DGKB: variants seen among roughly 807,000 people sequenced by gnomAD.
DGKB encodes 90 kDa diacylglycerol kinase.
A neutral mutation model predicts 114.3 loss-of-function variants in DGKB; 67 were observed. The observed-to-expected ratio is 0.59, with a 90% CI of 0.48 to 0.72. The LOEUF is 0.72. DGKB is among the 30% of genes least tolerant of loss of function. The pLI is 0.00. For synonymous variants in DGKB, 398 were observed against 323.1 expected, an observed-to-expected ratio of 1.23 and a Z score of -2.49; for missense variants, 907 against 975.2, an observed-to-expected ratio of 0.93 and a Z score of 0.93.
At chr7:14,583,766 C>T (rs975345326) in intron 17 of DGKB, among the ~76,000 whole-genome samples, 1 of 152,122 alleles carries the variant, frequency 6.6e-6, no homozygotes, top group Non-Finnish European at 1.5e-5. Context: ...CATAAATACC[C>T]ACTGCTTCTG....
At chr7:14,525,432 T>C (rs919107934) in intron 20 of DGKB, among the ~76,000 whole-genome samples, 39 of 152,186 alleles carry the variant, frequency 2.6e-4, no homozygotes, top group African/African-American at 9.4e-4. Flanking sequence ...GTTCTGGAAA[T>C]TATACTCTTT....
At chr7:14,178,211 G>A (rs1782074424) in intron 23 of DGKB, 60 bp from the exon 24 acceptor site, 4 of 1,554,504 alleles carry the variant, frequency 2.6e-6, no homozygotes, top group Admixed American at 1.8e-5. Flanking sequence ...ACAATTTAAT[G>A]CCATTTGATA....
chr7:14,344,904 A>G (rs1314244787), intron 22 of DGKB, among the ~76,000 whole-genome samples: 1 of 151,676 alleles, frequency 6.6e-6, no homozygotes, highest in Non-Finnish European at 1.5e-5. Flanking sequence ...TCATAAAAGT[A>G]AGTACAATTT....
chr7:14,706,376 A>C (rs1826232625), intron 6 of DGKB, among the ~76,000 whole-genome samples: 1 of 146,052 alleles, frequency 6.8e-6, no homozygotes, highest in Admixed American at 6.8e-5. Flanking sequence ...GGGAGACTTT[A>C]ACACCCCACT....
Position 14,319,775 on chromosome 7 carries a change from GT to G in DGKB, c.2122+18739del, listed in dbSNP as rs377673131. On this transcript the variant is annotated intron_variant, in intron 23 of 25. Transcript: ENST00000402815. The stretch of plus-strand genomic sequence containing the variant: ...TTATGCATCCAGTGGTCTATAGTAT[GT>G]CAGGACATGTTCTCCAAAATAAAAG... Among the ~76,000 whole-genome samples, 124 of 152,258 alleles carry G rather than the reference GT, an allele frequency of 8.1e-4. 1 individual carries two copies. In the East Asian group the frequency reaches 0.022, roughly 27 times the overall value.
chr7:14,470,047 A>AT (rs1261035408), intron 21 of DGKB, among the ~76,000 whole-genome samples: 5 of 151,874 alleles, frequency 3.3e-5, no homozygotes, highest in Admixed American at 2.0e-4. Flanking sequence ...AATTTCAAAA[A>AT]TTTCATTTAA....
Position 14,635,387 on chromosome 7 carries a change from A to G in DGKB, c.1135-5119T>C, listed in dbSNP as rs1019346527. Among the ~76,000 whole-genome samples, 3 of 151,422 alleles carry G rather than the reference A, an allele frequency of 2.0e-5. No homozygotes were observed. In the East Asian group the frequency reaches 5.9e-4, roughly 30 times the overall value. On this transcript the variant is annotated intron_variant, in intron 13 of 25. Coordinates refer to ENST00000402815, the MANE Select transcript of DGKB (RefSeq NM_001350709.2). ...GAAATTATGGAGGAGGGTAGAAAAC[A>G]TATCAAAGATAGAAAGCAATGGAGA...
intron 23 of DGKB, among the ~76,000 whole-genome samples, chr7:14,304,564 T>C (rs1271354592): frequency 6.6e-6 from 1 of 152,176 alleles, no homozygotes; most frequent in African/African-American, 2.4e-5. Flanking sequence ...CCCAAACAGA[T>C]TGTTTTCTTT....
At chr7:14,191,557 G>A (rs1479883038) in intron 23 of DGKB, 1 of 191,610 alleles carries the variant, frequency 5.2e-6, no homozygotes, top group African/African-American at 2.4e-5. Context: ...TACAGAATTG[G>A]TGATTTTGAT....
chr7:14,519,690 T>C (rs1362734873), intron 20 of DGKB, among the ~76,000 whole-genome samples: 1 of 151,990 alleles, frequency 6.6e-6, no homozygotes, highest in African/African-American at 2.4e-5. Context: ...AGGTTCCAGG[T>C]ATTGGACATA....
chr7:14,689,299 G>A (rs529938208), intron 9 of DGKB, among the ~76,000 whole-genome samples: 2 of 143,572 alleles, frequency 1.4e-5, no homozygotes, highest in Admixed American at 1.5e-4. Flanking sequence ...TCCGCCTCCC[G>A]GGTTCGTGCC....
At chr7:14,388,266 CA>C (rs34349170) in intron 21 of DGKB, among the ~76,000 whole-genome samples, 84,061 of 143,634 alleles carry the variant, frequency 0.59, 26,522 homozygotes, top group Middle Eastern at 0.73. Context: ...AATGTGAAGC[CA>C]AAAAAAAAAA....
intron 23 of DGKB, among the ~76,000 whole-genome samples, chr7:14,318,792 TACCC>T (rs1018073331): frequency 6.6e-6 from 1 of 152,144 alleles, no homozygotes; most frequent in Non-Finnish European, 1.5e-5. Context: ...ACTGGGTATA[TACCC>T]AAAGGACTAT....
intron 23 of DGKB, among the ~76,000 whole-genome samples, chr7:14,261,997 G>A (rs1299361556): frequency 6.6e-6 from 1 of 152,194 alleles, no homozygotes; most frequent in East Asian, 1.9e-4. Context: ...TATACGCACT[G>A]CAGAAGACTT....
At chr7:14,848,745 A>C (rs1054159916) in intron 1 of DGKB, among the ~76,000 whole-genome samples, 3 of 152,196 alleles carry the variant, frequency 2.0e-5, no homozygotes, top group Non-Finnish European at 2.9e-5. Flanking sequence ...CAATAACAAA[A>C]AGATGATGGA....
At chr7:14,624,051 A>T (rs1249668372) in intron 14 of DGKB, among the ~76,000 whole-genome samples, 1 of 152,200 alleles carries the variant, frequency 6.6e-6, no homozygotes, top group Non-Finnish European at 1.5e-5. Context: ...GAATGATGTA[A>T]AATAGTTGTG....
intron 13 of DGKB, among the ~76,000 whole-genome samples, chr7:14,641,182 T>C (rs990042192): frequency 2.0e-5 from 3 of 152,222 alleles, no homozygotes; most frequent in Admixed American, 6.5e-5. Flanking sequence ...CCAAAATGGA[T>C]AGAAAAATTA....
At chr7:14,334,233 C>T (rs948658224) in intron 23 of DGKB, among the ~76,000 whole-genome samples, 1 of 152,052 alleles carries the variant, frequency 6.6e-6, no homozygotes, top group South Asian at 2.1e-4. Flanking sequence ...GGTATTTGCA[C>T]AATATTGTGG....
At chr7:14,382,996 C>A (rs1416258298) in intron 21 of DGKB, among the ~76,000 whole-genome samples, 1 of 152,176 alleles carries the variant, frequency 6.6e-6, no homozygotes, top group East Asian at 1.9e-4. Flanking sequence ...ATAACCTCAT[C>A]CCTGTTCTGA....
Sources: gnomAD v4.1 joint callset for allele counts (sites outside exome capture counted in the v4.1 genomes callset) on GRCh38, gnomAD v4.1.1 for gene constraint, MANE v1.5 for transcripts, NCBI Gene and HGNC (gene_info 2026-07-23, HGNC 2026-07-21) for gene names.